The following CCDC170 variants were observed in gnomAD, a reference collection of about 807,000 sequenced individuals.
CCDC170 encodes the protein coiled-coil domain-containing protein 170.
A neutral mutation model predicts 72.6 loss-of-function variants in CCDC170; 69 were observed. The observed-to-expected ratio is 0.95, with a 90% CI of 0.78 to 1.16. The LOEUF (loss-of-function observed/expected upper bound fraction) is 1.16, where lower values mean the gene tolerates loss of function less well. Among genes scored for constraint, CCDC170 ranks in the 50% most tolerant of loss-of-function variants. CCDC170 has a pLI of 0.00. For missense variants in CCDC170, 852 were observed against 832.5 expected (o/e 1.02, Z -0.29); for synonymous variants, 300 against 303.9 (o/e 0.99, Z 0.13).
chr6:151,508,808 G>C (rs1782100856), intron 1 of CCDC170, among the ~76,000 whole-genome samples: 1 of 151,760 alleles, frequency 6.6e-6, no homozygotes, highest in South Asian at 2.1e-4. Context: ...CTGAGGTCAG[G>C]AGTTTGAGAC....
chr6:151,514,373 G>GAGGGAGGAAGGA (rs1562267943), intron 1 of CCDC170, among the ~76,000 whole-genome samples: 1 of 107,008 alleles, frequency 9.3e-6, no homozygotes, highest in Non-Finnish European at 1.9e-5. Context: ...GGGAGGGAGG[G>GAGGGAGGAAGGA]AGGAAGGAAG....
At chr6:151,559,012 C>CTTTT (rs201171602) in intron 5 of CCDC170, among the ~76,000 whole-genome samples, 10 of 125,690 alleles carry the variant, frequency 8.0e-5, no homozygotes, top group Non-Finnish European at 9.6e-5. Flanking sequence ...ATTAATTTAT[C>CTTTT]TTTTTTTTTT....
Position 151,582,986 on chromosome 6 carries a change from C to CTTT in CCDC170, c.1093-2881_1093-2879dup, listed in dbSNP as rs35947074. Among the ~76,000 whole-genome samples, 910 of 94,160 alleles carry CTTT rather than the reference C, an allele frequency of 9.7e-3. 16 individuals carry two copies. Among genetic ancestry groups the CTTT allele is most frequent in the African/African-American group, 0.022 (448 of 20,562 alleles). 61.8% of individuals were successfully genotyped at this position (94,160 alleles called of 152,430 possible). A position where few individuals can be genotyped will look rare whatever the true frequency, so the allele number is the denominator to read the frequency against. On this transcript the variant is annotated intron_variant, in intron 6 of 10. Transcript: ENST00000239374. ...TATCAGTGTGTTTACTGGAGTAGCA[C>CTTT]TTTTTTTTTTTTTTTTTTTTTTTTG...
At chr6:151,496,366 T>C (rs1781912789) in intron 1 of CCDC170, among the ~76,000 whole-genome samples, 1 of 152,220 alleles carries the variant, frequency 6.6e-6, no homozygotes, top group Admixed American at 6.5e-5. Flanking sequence ...CATAAGTCAC[T>C]GCCTACAAAA....
At chr6:151,594,835 G>A (rs766440710) in intron 8 of CCDC170, among the ~76,000 whole-genome samples, 1 of 151,986 alleles carries the variant, frequency 6.6e-6, no homozygotes, top group Non-Finnish European at 1.5e-5. Flanking sequence ...ATTTTTAGTA[G>A]AGACAGGGTT....
At chr6:151,524,376 C>T (rs1292362572) in intron 1 of CCDC170, among the ~76,000 whole-genome samples, 3 of 152,284 alleles carry the variant, frequency 2.0e-5, no homozygotes, top group East Asian at 3.9e-4. Flanking sequence ...CTTTTGACTT[C>T]TACTTTGACC....
intron 1 of CCDC170, among the ~76,000 whole-genome samples, chr6:151,531,666 T>G (rs1329128992): frequency 6.6e-6 from 1 of 152,214 alleles, no homozygotes; most frequent in Non-Finnish European, 1.5e-5. Context: ...ATGCTGCTAA[T>G]AAAAACATAC....
At chr6:151,517,732 G>A (rs753024995) in intron 1 of CCDC170, among the ~76,000 whole-genome samples, 28 of 151,958 alleles carry the variant, frequency 1.8e-4, no homozygotes, top group Non-Finnish European at 3.4e-4. Context: ...GTGAGCCACC[G>A]TGCCCGGCCA....
chr6:151,568,369 G>A (rs1583030364), intron 5 of CCDC170, among the ~76,000 whole-genome samples: 1 of 152,240 alleles, frequency 6.6e-6, no homozygotes, highest in Admixed American at 6.5e-5. Flanking sequence ...AATAGAGCAG[G>A]ACATCACCTC....
At chr6:151,568,003 G>A (rs1013308894) in intron 5 of CCDC170, among the ~76,000 whole-genome samples, 3 of 149,668 alleles carry the variant, frequency 2.0e-5, no homozygotes, top group African/African-American at 5.0e-5. Context: ...CCAGCTACTC[G>A]GTAGGCTGAG....
chr6:151,544,151 A>G (rs1025242302), intron 3 of CCDC170, among the ~76,000 whole-genome samples: 1 of 152,158 alleles, frequency 6.6e-6, no homozygotes, highest in Non-Finnish European at 1.5e-5. Flanking sequence ...AAGTTTGAAA[A>G]TAAAATGAAG....
chr6:151,605,449 T>C (rs546559614), intron 9 of CCDC170, among the ~76,000 whole-genome samples: 1 of 152,304 alleles, frequency 6.6e-6, no homozygotes, highest in East Asian at 1.9e-4. Flanking sequence ...GCCATTCTGA[T>C]TTGGCATTTC....
At chr6:151,614,341 C>T (rs187941517) in intron 9 of CCDC170, among the ~76,000 whole-genome samples, 467 of 152,234 alleles carry the variant, frequency 3.1e-3, no homozygotes, top group African/African-American at 0.01. Flanking sequence ...GCCTATTCTA[C>T]GTACTTCATA....
At chr6:151,574,474 G>A (rs1776273494) in intron 6 of CCDC170, among the ~76,000 whole-genome samples, 1 of 152,132 alleles carries the variant, frequency 6.6e-6, no homozygotes, top group Admixed American at 6.5e-5. Flanking sequence ...AACTCTTGGG[G>A]CCCACGGTGT....
chr6:151,567,346 T>C (rs1481589540), intron 5 of CCDC170, among the ~76,000 whole-genome samples: 2 of 152,246 alleles, frequency 1.3e-5, no homozygotes, highest in African/African-American at 2.4e-5. Context: ...GTACCTTGTA[T>C]TCAAATTAAA....
intron 1 of CCDC170, among the ~76,000 whole-genome samples, chr6:151,512,978 C>G (rs1782169892): frequency 6.6e-6 from 1 of 152,144 alleles, no homozygotes; most frequent in Admixed American, 6.6e-5. Flanking sequence ...GTGCTATTTT[C>G]TATGCAATGT....
chr6:151,511,903 G>A lies in CCDC170; in HGVS notation c.57+17718G>A, dbSNP rs377254213. ...GTCTCTGCCACCCAGACTGGACTGC[G>A]GTGGCACGATCAGAGCTCTTTGCAG... On this transcript the variant is annotated intron_variant, in intron 1 of 10. Coordinates refer to ENST00000239374, the MANE Select transcript of CCDC170 (RefSeq NM_025059.4). 4.2e-3 allele frequency among the ~76,000 whole-genome samples: 646 copies of A among 152,046 alleles called. 8 individuals carry two copies. The highest frequency in any genetic ancestry group is 0.015 in the African/African-American group (622 of 41,480).
intron 6 of CCDC170, among the ~76,000 whole-genome samples, chr6:151,583,379 G>A (rs767022330): frequency 1.3e-5 from 2 of 152,066 alleles, no homozygotes; most frequent in Non-Finnish European, 1.5e-5. Flanking sequence ...ATTTTTGGCC[G>A]ATCTCAGATT....
chr6:151,521,985 CAA>C (rs34730093), intron 1 of CCDC170, among the ~76,000 whole-genome samples: 21,948 of 77,522 alleles, frequency 0.28, 2,039 homozygotes, highest in East Asian at 0.51. Context: ...GACTCTGTCT[CAA>C]AAAAAAAAAA....
Sources: allele counts gnomAD v4.1 joint callset (sites outside exome capture counted in the v4.1 genomes callset), GRCh38; gene constraint gnomAD v4.1.1; transcripts MANE v1.5; gene names NCBI Gene and HGNC (gene_info 2026-07-23, HGNC 2026-07-21).